JADE2: variants seen among roughly 807,000 people sequenced by gnomAD.
JADE2 encodes the protein E3 ubiquitin-protein ligase Jade-2.
In JADE2, 13 loss-of-function variants were observed where a neutral mutation model predicts 85.7. The observed-to-expected ratio is 0.15, with a 90% CI of 0.10 to 0.24. The LOEUF is 0.24. Ranked by LOEUF, JADE2 falls within the 10% of genes least tolerant of loss-of-function variation. JADE2 has a pLI of 1.00. For missense variants in JADE2, 846 were observed against 1,115.9 expected, an observed-to-expected ratio of 0.76 and a Z score of 3.45; for synonymous variants, 440 against 456.1, an observed-to-expected ratio of 0.96 and a Z score of 0.45.
chr5:134,570,520 T>C (rs968705333), intron 9 of JADE2, among the ~76,000 whole-genome samples: 1 of 152,156 alleles, frequency 6.6e-6, no homozygotes, highest in Non-Finnish European at 1.5e-5. Context: ...TCTCCTTTCC[T>C]GTCATCCCTC....
chr5:134,553,386 G>A (rs111834968), intron 4 of JADE2, among the ~76,000 whole-genome samples: 21,927 of 140,738 alleles, frequency 0.16, 1,837 homozygotes, highest in African/African-American at 0.23. Flanking sequence ...ACGGAGTCTC[G>A]CTCTTTCGCC....
chr5:134,544,281 A>G (rs902329440), intron 3 of JADE2, among the ~76,000 whole-genome samples: 4 of 152,264 alleles, frequency 2.6e-5, no homozygotes, highest in Non-Finnish European at 5.9e-5. Flanking sequence ...CAGAAAGCAC[A>G]GGCCCTGTCC....
At chr5:134,560,712 C>A in intron 5 of JADE2, 34 bp from the exon 6 acceptor site, 1 of 1,589,884 alleles carries the variant, frequency 6.3e-7, no homozygotes, top group South Asian at 1.1e-5. Flanking sequence ...GGCTGGGCTC[C>A]TAACACCACC....
At chr5:134,576,013 C>A (rs1311941053) in intron 10 of JADE2, among the ~76,000 whole-genome samples, 1 of 152,162 alleles carries the variant, frequency 6.6e-6, no homozygotes, top group African/African-American at 2.4e-5. Context: ...CCAGTCTGGG[C>A]AAAATAGCAA....
In JADE2 at chr5:134,582,681, C is replaced by G. The variant is rs945362274; in HGVS notation, c.*3364C>G. 3 of 152,684 alleles carry G rather than the reference C, an allele frequency of 2.0e-5. No individual in the cohort carries two copies. Among genetic ancestry groups the G allele is most frequent in the African/African-American group, 7.2e-5 (3 of 41,468 alleles). 9.5% of individuals were successfully genotyped at this position (152,684 alleles called of 1,614,324 possible). A position where few individuals can be genotyped will look rare whatever the true frequency, so the allele number is the denominator to read the frequency against. On this transcript the variant is annotated 3_prime_UTR_variant, in exon 12 of 12. Coordinates refer to ENST00000681547, the MANE Select transcript of JADE2 (RefSeq NM_001388185.1). ...CTGGAGTCTGAGACCTTTGGTTGTT[C>G]TTTAAGGCACCTCCTGCCACTTTCT... is the stretch of plus-strand genomic sequence containing the variant.
chr5:134,570,503 C>G (rs1763924159), intron 9 of JADE2, among the ~76,000 whole-genome samples: 1 of 152,186 alleles, frequency 6.6e-6, no homozygotes, highest in South Asian at 2.1e-4. Flanking sequence ...CCGCTCCCAC[C>G]CCCATCTCTC....
At chr5:134,533,158 A>G (rs1761358242) in intron 1 of JADE2, among the ~76,000 whole-genome samples, 1 of 152,142 alleles carries the variant, frequency 6.6e-6, no homozygotes, top group African/African-American at 2.4e-5. Context: ...GTATAGGGTC[A>G]CTGCCTCTTT....
At chr5:134,545,719 G>T (rs1334431393) in intron 3 of JADE2, among the ~76,000 whole-genome samples, 1 of 152,158 alleles carries the variant, frequency 6.6e-6, no homozygotes, top group Non-Finnish European at 1.5e-5. Flanking sequence ...TGAATTAGGA[G>T]CCACGATATA....
chr5:134,532,370 C>T (rs2149860466), intron 1 of JADE2, among the ~76,000 whole-genome samples: 1 of 152,042 alleles, frequency 6.6e-6, no homozygotes, highest in Admixed American at 6.6e-5. Context: ...CTTGGTGGGG[C>T]CGAGGATACA....
At chr5:134,561,646 T>C (rs967870870) in intron 6 of JADE2, among the ~76,000 whole-genome samples, 4 of 152,140 alleles carry the variant, frequency 2.6e-5, no homozygotes, top group Non-Finnish European at 4.4e-5. Flanking sequence ...ATCGCTGGAA[T>C]TGACCCTGGG....
intron 1 of JADE2, among the ~76,000 whole-genome samples, chr5:134,533,274 CTG>C (rs1761365861): frequency 6.6e-6 from 1 of 152,218 alleles, no homozygotes; most frequent in South Asian, 2.1e-4. Context: ...GGGCTTTACA[CTG>C]TTCTTATTTA....
At chr5:134,547,235 C>G (rs1456961330) in intron 3 of JADE2, among the ~76,000 whole-genome samples, 1 of 152,214 alleles carries the variant, frequency 6.6e-6, no homozygotes, top group African/African-American at 2.4e-5. Flanking sequence ...GCAGAGCAGA[C>G]TCTTTAGCCC....
intron 1 of JADE2, among the ~76,000 whole-genome samples, chr5:134,533,896 G>A (rs868181783): frequency 7.2e-5 from 11 of 152,102 alleles, no homozygotes; most frequent in Non-Finnish European, 1.3e-4. Flanking sequence ...TCAGGCATGT[G>A]CCACTACAAC....
chr5:134,560,977 A>G lies in JADE2; in HGVS notation c.684+20A>G. 3.1e-6 allele frequency: 5 copies of G among 1,602,190 alleles called. No individual in the cohort carries two copies. The highest frequency in any genetic ancestry group is 2.6e-6 in the Non-Finnish European group (3 of 1,172,226). ...CATCAGGTGGGCAGACCCCCCAGTC[A>G]CCCTCACCTGTGCCATGTATACACA... is the stretch of plus-strand genomic sequence containing the variant. On this transcript the variant is annotated intron_variant, in intron 6 of 11. Coordinates refer to ENST00000681547, the MANE Select transcript of JADE2 (RefSeq NM_001388185.1).
At position 134,576,845 on chromosome 5, in the gene JADE2, GAGAAGAAA is replaced by G. The variant is rs1043922114; in HGVS notation, c.1631_1638del (p.Glu544GlyfsTer8). The G allele has an allele frequency of 1.7e-5, 26 of 1,550,236 alleles. No homozygotes were observed. Among genetic ancestry groups the G allele is most frequent in the Non-Finnish European group, 2.2e-5 (25 of 1,146,850 alleles). Reference sequence around the variant, plus strand: ...CTGCGAGGGCTCCAAGGGCAGCACTGAGAAGAAAGAGAAAGTGAAGGCGGGGCCTGACT... The same window carrying G: ...CTGCGAGGGCTCCAAGGGCAGCACTGGAGAAAGTGAAGGCGGGGCCTGACT... On this transcript the variant is annotated frameshift_variant, in exon 11 of 12. Transcript: ENST00000681547. LOFTEE classifies it high-confidence loss of function.
intron 4 of JADE2, among the ~76,000 whole-genome samples, chr5:134,558,602 G>A (rs188015876): frequency 3.3e-5 from 5 of 152,342 alleles, no homozygotes; most frequent in East Asian, 1.9e-4. Flanking sequence ...GCAGTGGCAC[G>A]ATCTCTGCTC....
intron 4 of JADE2, among the ~76,000 whole-genome samples, chr5:134,556,044 G>C (rs1490774060): frequency 6.6e-6 from 1 of 152,096 alleles, no homozygotes; most frequent in Non-Finnish European, 1.5e-5. Context: ...CCTTTTTGCT[G>C]ACATTGGGTG....
chr5:134,567,758 G>A (rs1011638827), intron 9 of JADE2, among the ~76,000 whole-genome samples: 30 of 152,166 alleles, frequency 2.0e-4, no homozygotes, highest in African/African-American at 7.2e-4. Context: ...ACTCATCTGC[G>A]CTGCCTGCTC....
rs140767716 is a variant in JADE2 at position 134,578,990 on chromosome 5, C to T, written c.2178C>T (p.Asp726=). The change falls in exon 12 of 12, where the codon GAC becomes GAT. Residue 726 remains aspartate, a synonymous_variant. Coordinates refer to ENST00000681547, the MANE Select transcript of JADE2 (RefSeq NM_001388185.1). This position sits in a 1 kb window ranked among gnomAD's most constrained non-coding sequence, Gnocchi z 4.4. ...SPPPLAPETP[D]EAASVAADSD... Reference sequence around the variant, plus strand: ...CGCCACTGGCCCCTGAGACCCCGGACGAGGCAGCCTCAGTAGCTGCTGACT... The same window carrying T: ...CGCCACTGGCCCCTGAGACCCCGGATGAGGCAGCCTCAGTAGCTGCTGACT... 2.9e-4 allele frequency: 475 copies of T among 1,613,604 alleles called. No individual in the cohort carries two copies. Among genetic ancestry groups the T allele is most frequent in the Non-Finnish European group, 3.7e-4 (433 of 1,179,972 alleles).
Sources: gnomAD v4.1 joint callset for allele counts (sites outside exome capture counted in the v4.1 genomes callset) on GRCh38, gnomAD v4.1.1 for gene constraint, Gnocchi (gnomAD v3.1) non-coding constraint, MANE v1.5 for transcripts, NCBI Gene and HGNC (gene_info 2026-07-23, HGNC 2026-07-21) for gene names.